Variants in DCLK1 observed in about 807,000 individuals in gnomAD.
The protein encoded by DCLK1 is doublecortin like kinase 1.
Under a neutral mutation model 86.2 loss-of-function variants are expected in DCLK1, and 16 were observed. That is an observed-to-expected ratio of 0.19 (90% CI 0.13 to 0.28). DCLK1 has a LOEUF of 0.28. Among genes scored for constraint, DCLK1 ranks in the 10% least tolerant of loss-of-function variants. DCLK1 has a pLI of 1.00. For synonymous variants in DCLK1, 369 were observed against 370.5 expected (o/e 1.00, Z 0.05); for missense variants, 590 against 940.2 (o/e 0.63, Z 4.87).
At chr13:35,896,891 G>T (rs565297497) in intron 4 of DCLK1, among the ~76,000 whole-genome samples, 2 of 152,256 alleles carry the variant, frequency 1.3e-5, no homozygotes, top group East Asian at 3.9e-4. Context: ...CCATCTTGAG[G>T]GTTGTGAGTG....
At chr13:35,906,350 T>C (rs1028331044) in intron 4 of DCLK1, among the ~76,000 whole-genome samples, 28 of 151,730 alleles carry the variant, frequency 1.8e-4, no homozygotes, top group African/African-American at 6.1e-4. Context: ...AACAGAACTA[T>C]AGCAAAGCCT....
intron 3 of DCLK1, among the ~76,000 whole-genome samples, chr13:36,006,144 G>A (rs1028906146): frequency 8.5e-5 from 13 of 152,090 alleles, no homozygotes; most frequent in African/African-American, 2.7e-4. Flanking sequence ...TAACAAACCT[G>A]CACATTCAGC....
chr13:35,921,666 G>A (rs1418985), intron 4 of DCLK1, among the ~76,000 whole-genome samples: 2 of 152,092 alleles, frequency 1.3e-5, no homozygotes, highest in African/African-American at 4.8e-5. Flanking sequence ...AGAAAGGTGT[G>A]TGGCCAAAGT....
intron 16 of DCLK1, 59 bp downstream of exon 16, chr13:35,793,307 C>T (rs1055989115): frequency 7.4e-7 from 1 of 1,348,118 alleles, no homozygotes; most frequent in South Asian, 1.3e-5. Flanking sequence ...CTGAGTAATG[C>T]CTGTCTCTTA....
intron 11 of DCLK1, among the ~76,000 whole-genome samples, chr13:35,815,023 C>T (rs528623577): frequency 6.6e-6 from 1 of 152,190 alleles, no homozygotes; most frequent in East Asian, 1.9e-4. Context: ...GAAAAAGGTT[C>T]CAATTAAAAC....
At chr13:36,075,822 T>C (rs1030913171) in intron 3 of DCLK1, among the ~76,000 whole-genome samples, 1 of 151,992 alleles carries the variant, frequency 6.6e-6, no homozygotes, top group Admixed American at 6.6e-5. Context: ...TTTGAGACCA[T>C]CCTGGCCAAC....
At chr13:35,838,903 C>T (rs899148739) in intron 7 of DCLK1, among the ~76,000 whole-genome samples, 189 bp downstream of exon 7, 21 of 152,124 alleles carry the variant, frequency 1.4e-4, no homozygotes, top group African/African-American at 4.3e-4. Context: ...CCAACTTCCC[C>T]TTCCCATTCT....
At chr13:36,022,958 C>G (rs760351317) in intron 3 of DCLK1, among the ~76,000 whole-genome samples, 3 of 152,170 alleles carry the variant, frequency 2.0e-5, no homozygotes, top group Non-Finnish European at 4.4e-5. Context: ...AAGAAAACTA[C>G]AGGCAAATAT....
intron 3 of DCLK1, among the ~76,000 whole-genome samples, chr13:36,095,929 G>A (rs1417550037): frequency 6.6e-6 from 1 of 151,952 alleles, no homozygotes; most frequent in Admixed American, 6.6e-5. Context: ...TTTAGCTAAA[G>A]GAAATTACAA....
chr13:35,842,059 G>A (rs537708504), intron 6 of DCLK1, among the ~76,000 whole-genome samples: 1 of 150,894 alleles, frequency 6.6e-6, no homozygotes, highest in South Asian at 2.1e-4. Context: ...AAGTTCTCCT[G>A]CTAAAAATAC....
chr13:35,940,135 C>T (rs1876998409), intron 4 of DCLK1, among the ~76,000 whole-genome samples: 3 of 151,578 alleles, frequency 2.0e-5, no homozygotes, highest in South Asian at 2.1e-4. Flanking sequence ...GCAGGAGAAT[C>T]GCTTGAACCT....
intron 3 of DCLK1, among the ~76,000 whole-genome samples, chr13:36,008,794 G>A (rs377648737): frequency 2.6e-5 from 4 of 151,444 alleles, no homozygotes; most frequent in African/African-American, 9.7e-5. Context: ...CTGAGAAATC[G>A]CCACACTGAC....
intron 2 of DCLK1, among the ~76,000 whole-genome samples, chr13:36,123,385 G>A (rs1886060123): frequency 6.6e-6 from 1 of 152,152 alleles, no homozygotes; most frequent in Non-Finnish European, 1.5e-5. Flanking sequence ...AATAAATGCA[G>A]CCAACATGGT....
intron 3 of DCLK1, among the ~76,000 whole-genome samples, chr13:36,043,371 C>A: frequency 6.6e-6 from 1 of 151,118 alleles, no homozygotes; most frequent in South Asian, 2.1e-4. Flanking sequence ...CTCAGTAAGT[C>A]AGAAAAAAAT....
At chr13:35,807,733 G>C (rs947430790) in intron 14 of DCLK1, among the ~76,000 whole-genome samples, 1 of 152,224 alleles carries the variant, frequency 6.6e-6, no homozygotes, top group African/African-American at 2.4e-5. Context: ...TAGGTAGTTA[G>C]ATAGCACACC....
At chr13:35,812,525 TG>T (rs1406137014) in intron 11 of DCLK1, among the ~76,000 whole-genome samples, 3 of 152,182 alleles carry the variant, frequency 2.0e-5, no homozygotes, top group Non-Finnish European at 4.4e-5. Context: ...TGCCTTCCTT[TG>T]GAAAAAGTAG....
At chr13:35,922,352 G>A (rs1875850287) in intron 4 of DCLK1, among the ~76,000 whole-genome samples, 1 of 152,158 alleles carries the variant, frequency 6.6e-6, no homozygotes, top group Non-Finnish European at 1.5e-5. Flanking sequence ...TGAATTCCTT[G>A]GGGAGAAGGA....
intron 5 of DCLK1, among the ~76,000 whole-genome samples, chr13:35,865,907 A>C (rs1373579806): frequency 2.0e-5 from 3 of 152,194 alleles, no homozygotes; most frequent in African/African-American, 7.2e-5. Flanking sequence ...GTGCCAAGGG[A>C]CTAATACTTA....
At chr13:36,067,876 C>G (rs1020544506) in intron 3 of DCLK1, among the ~76,000 whole-genome samples, 3 of 152,164 alleles carry the variant, frequency 2.0e-5, no homozygotes, top group African/African-American at 7.2e-5. Flanking sequence ...TGCTGCCCCC[C>G]ACAGAACACT....
Sources: gnomAD v4.1 joint callset for allele counts (sites outside exome capture counted in the v4.1 genomes callset) on GRCh38, gnomAD v4.1.1 for gene constraint, MANE v1.5 for transcripts, NCBI Gene and HGNC (gene_info 2026-07-23, HGNC 2026-07-21) for gene names.